The following LUZP2 variants were observed in gnomAD, a reference collection of about 807,000 sequenced individuals.
LUZP2 encodes the protein leucine zipper protein 2.
In LUZP2, 52 loss-of-function variants were observed where a neutral mutation model predicts 51.6. The ratio of observed to expected loss-of-function variants is 1.01; its 90% confidence interval spans 0.81 to 1.27. LUZP2 has a LOEUF of 1.27. Among genes scored for constraint, LUZP2 ranks in the 50% most tolerant of loss-of-function variants. The pLI is 0.00. For missense variants in LUZP2, 436 were observed against 395.4 expected (o/e 1.10, Z -0.87); for synonymous variants, 154 against 137.3 (o/e 1.12, Z -0.85).
intron 1 of LUZP2, among the ~76,000 whole-genome samples, chr11:24,633,170 T>C (rs1854953625): frequency 6.6e-6 from 1 of 152,008 alleles, no homozygotes; most frequent in Non-Finnish European, 1.5e-5. Context: ...TCCACATTTA[T>C]TTACACTTAT....
intron 10 of LUZP2, among the ~76,000 whole-genome samples, chr11:25,070,713 A>G (rs890406048): frequency 6.6e-6 from 1 of 151,748 alleles, no homozygotes; most frequent in Non-Finnish European, 1.5e-5. Flanking sequence ...TATGTTTCAG[A>G]TACATGATAA....
intron 5 of LUZP2, among the ~76,000 whole-genome samples, chr11:24,818,852 A>G (rs1850268671): frequency 6.6e-6 from 1 of 151,948 alleles, no homozygotes; most frequent in African/African-American, 2.4e-5. Flanking sequence ...TTATTTACAT[A>G]ATGTCCATCT....
chr11:25,067,012 G>A (rs1194585226), intron 10 of LUZP2, among the ~76,000 whole-genome samples: 1 of 151,974 alleles, frequency 6.6e-6, no homozygotes, highest in Admixed American at 6.6e-5. Context: ...GTTGTTGTCT[G>A]TGGTGAGTAC....
chr11:24,561,101 T>A (rs987090632), intron 1 of LUZP2, among the ~76,000 whole-genome samples: 22 of 152,356 alleles, frequency 1.4e-4, no homozygotes, highest in Middle Eastern at 3.4e-3. Context: ...AAACCTTTTG[T>A]TGAAAGCCTA....
Position 24,702,084 on chromosome 11 carries a change from G to C in LUZP2, c.63-27085G>C, listed in dbSNP as rs535185961. On this transcript the variant is annotated intron_variant, in intron 1 of 11. Coordinates refer to ENST00000336930, the MANE Select transcript of LUZP2 (RefSeq NM_001009909.4). The stretch of plus-strand genomic sequence containing the variant: ...GTTTTCCTAATAACATTGTTAACGT[G>C]CTGTGAAATACTGAAAATCTGAGTA... Among the ~76,000 whole-genome samples, 6 of 152,218 alleles carry C rather than the reference G, an allele frequency of 3.9e-5. No homozygotes were observed. In the South Asian group the frequency reaches 1.0e-3, roughly 26 times the overall value.
At chr11:25,060,185 C>T (rs943960010) in intron 10 of LUZP2, among the ~76,000 whole-genome samples, 3 of 152,024 alleles carry the variant, frequency 2.0e-5, no homozygotes, top group African/African-American at 7.2e-5. Context: ...AACAAAACAC[C>T]ATAGACTGGG....
chr11:24,782,569 C>A (rs1849125191), intron 5 of LUZP2, among the ~76,000 whole-genome samples: 1 of 151,818 alleles, frequency 6.6e-6, no homozygotes, highest in African/African-American at 2.4e-5. Context: ...GCTCCTGGTC[C>A]CCTGCTATAC....
intron 1 of LUZP2, among the ~76,000 whole-genome samples, chr11:24,560,545 A>G (rs1453593258): frequency 6.6e-6 from 1 of 152,152 alleles, no homozygotes; most frequent in Non-Finnish European, 1.5e-5. Context: ...GCAGCACGAC[A>G]AGTCAGATTC....
chr11:24,977,986 T>C (rs1855926794), intron 8 of LUZP2, among the ~76,000 whole-genome samples: 1 of 151,612 alleles, frequency 6.6e-6, no homozygotes, highest in Non-Finnish European at 1.5e-5. Flanking sequence ...ATTAAGCAAG[T>C]AAGATGATTG....
chr11:24,631,822 T>C (rs1854901558), intron 1 of LUZP2, among the ~76,000 whole-genome samples: 1 of 152,032 alleles, frequency 6.6e-6, no homozygotes, highest in Non-Finnish European at 1.5e-5. Flanking sequence ...TCCTGGCTTT[T>C]CTTTTTTGAG....
Position 25,081,414 on chromosome 11 carries a change from T to C in LUZP2, c.*2756T>C, listed in dbSNP as rs1026759475. 2 of 151,690 alleles carry C rather than the reference T, an allele frequency of 1.3e-5. No individual in the cohort carries two copies. The highest frequency in any genetic ancestry group is 4.8e-5 in the African/African-American group (2 of 41,356). 9.4% of individuals were successfully genotyped at this position (151,690 alleles called of 1,614,324 possible). On this transcript the variant is annotated 3_prime_UTR_variant, in exon 12 of 12. Coordinates refer to ENST00000336930, the MANE Select transcript of LUZP2 (RefSeq NM_001009909.4). ...ACTGTGTTATACTCATTGCATCATTTGTTTAAAAAAAAAAAAGAAACTTGT... is the reference window on the plus strand; with the variant it reads ...ACTGTGTTATACTCATTGCATCATTCGTTTAAAAAAAAAAAAGAAACTTGT...
Position 24,602,026 on chromosome 11 carries a change from GTA to G in LUZP2, c.62+104727_62+104728del, listed in dbSNP as rs1254523714. Among the ~76,000 whole-genome samples the G allele has an allele frequency of 5.7e-5, 8 of 140,946 alleles. No homozygotes were observed. In the East Asian group the frequency reaches 8.0e-4, roughly 14 times the overall value. 92.5% of individuals were successfully genotyped at this position (140,946 alleles called of 152,430 possible). A position where few individuals can be genotyped will look rare whatever the true frequency, so the allele number is the denominator to read the frequency against. On this transcript the variant is annotated intron_variant, in intron 1 of 11. Transcript: ENST00000336930. ...TATATATGTATATATGTATATATGTGTATATATGTATATCTGTATATATGTGT... is the reference window on the plus strand; with the variant it reads ...TATATATGTATATATGTATATATGTGTATATGTATATCTGTATATATGTGT...
At chr11:24,902,787 AG>A (rs1478373096) in intron 5 of LUZP2, among the ~76,000 whole-genome samples, 1 of 152,180 alleles carries the variant, frequency 6.6e-6, no homozygotes, top group African/African-American at 2.4e-5. Flanking sequence ...GAAGGATAAA[AG>A]TTAGTATTTG....
chr11:24,670,517 G>T (rs974457650), intron 1 of LUZP2, among the ~76,000 whole-genome samples: 1 of 151,992 alleles, frequency 6.6e-6, no homozygotes, highest in African/African-American at 2.4e-5. Context: ...AATTCTTTTA[G>T]TTGCATTTAT....
At chr11:24,740,658 C>T (rs1448498763) in intron 4 of LUZP2, among the ~76,000 whole-genome samples, 1 of 152,104 alleles carries the variant, frequency 6.6e-6, no homozygotes, top group Non-Finnish European at 1.5e-5. Context: ...GGGTTATTCA[C>T]ATTAAATTAA....
chr11:24,582,740 GTTTTGTTTTTGT>G (rs1173424485), intron 1 of LUZP2, among the ~76,000 whole-genome samples: 2 of 151,972 alleles, frequency 1.3e-5, no homozygotes, highest in East Asian at 1.9e-4. Flanking sequence ...GGTTCCAGCG[GTTTTGTTTTTGT>G]TTTTGTTTTT....
At chr11:25,003,058 G>C (rs990566485) in intron 9 of LUZP2, among the ~76,000 whole-genome samples, 3 of 152,156 alleles carry the variant, frequency 2.0e-5, no homozygotes, top group Admixed American at 6.5e-5. Context: ...CTAAAATTAG[G>C]CCTAGATATT....
chr11:24,750,028 C>G (rs1032139252), intron 4 of LUZP2, among the ~76,000 whole-genome samples: 2 of 152,122 alleles, frequency 1.3e-5, no homozygotes, highest in Non-Finnish European at 2.9e-5. Context: ...CTGGAGAACC[C>G]TAATACAGTC....
intron 1 of LUZP2, among the ~76,000 whole-genome samples, chr11:24,511,012 A>G (rs1389349227): frequency 1.3e-5 from 2 of 151,736 alleles, no homozygotes; most frequent in South Asian, 4.2e-4. Flanking sequence ...TTTTATGAAT[A>G]CTCCCCATTT....
Sources: gnomAD v4.1 joint callset for allele counts (sites outside exome capture counted in the v4.1 genomes callset) on GRCh38, gnomAD v4.1.1 for gene constraint, MANE v1.5 for transcripts, NCBI Gene and HGNC (gene_info 2026-07-23, HGNC 2026-07-21) for gene names.